PIK3C2G: variants seen among roughly 807,000 people sequenced by gnomAD.
The protein encoded by PIK3C2G is phosphatidylinositol 3-kinase C2 domain-containing subunit gamma.
A neutral mutation model predicts 181.1 loss-of-function variants in PIK3C2G; 168 were observed. That is an observed-to-expected ratio of 0.93 (90% CI 0.82 to 1.05). The LOEUF is 1.05. Among genes scored for constraint, PIK3C2G ranks in the 50% least tolerant of loss-of-function variants. The pLI, the probability that PIK3C2G is intolerant of heterozygous loss-of-function variation, is 0.00. For synonymous variants in PIK3C2G, 573 were observed against 592.2 expected (o/e 0.97, Z 0.47); for missense variants, 1,869 against 1,732.8 (o/e 1.08, Z -1.40).
chr12:18,719,918 AC>A, the PIK3C2G span, among the ~76,000 whole-genome samples: 39 of 152,194 alleles, frequency 2.6e-4, 2 homozygotes, highest in South Asian at 7.9e-3. Context: ...GGACCAATGA[AC>A]TTCGACAAGC....
chr12:18,528,533 C>T (rs999303740), intron 24 of PIK3C2G, among the ~76,000 whole-genome samples: 4 of 152,166 alleles, frequency 2.6e-5, no homozygotes, highest in African/African-American at 9.6e-5. Flanking sequence ...TCAAGTCTTT[C>T]AGTTTGGGAT....
intron 29 of PIK3C2G, among the ~76,000 whole-genome samples, chr12:18,571,214 TC>T (rs577955020): frequency 6.6e-6 from 1 of 151,004 alleles, no homozygotes; most frequent in East Asian, 1.9e-4. Context: ...ATATTTAGCC[TC>T]TTTTTTGTTA....
chr12:18,393,383 C>T lies in PIK3C2G; in HGVS notation c.2126+2131C>T, dbSNP rs1367896451. Among the ~76,000 whole-genome samples, 10 of 152,042 alleles carry T rather than the reference C, an allele frequency of 6.6e-5. No homozygotes were observed. In the East Asian group the frequency reaches 1.9e-3, roughly 29 times the overall value. On this transcript the variant is annotated intron_variant, in intron 15 of 32. Transcript: ENST00000538779. The stretch of plus-strand genomic sequence containing the variant: ...AAACTTGTGTTAGAATCAGATTAAC[C>T]TCAGTTTCCCAGTACCACATTTTAT...
At chr12:18,723,390 C>G in the PIK3C2G span, 2 of 1,612,908 alleles carry the variant, frequency 1.2e-6, no homozygotes, top group African/African-American at 2.7e-5. Flanking sequence ...GTTCTTGTGT[C>G]AGAAATTGAG....
chr12:18,609,761 C>A (rs1948241200), intron 31 of PIK3C2G, 132 bp downstream of exon 31: 2 of 594,072 alleles, frequency 3.4e-6, no homozygotes, highest in South Asian at 4.2e-5. Flanking sequence ...AAACAATGAG[C>A]CAATTACAAT....
the PIK3C2G span, among the ~76,000 whole-genome samples, chr12:18,698,242 C>CTTCTATTCTATTCTA: frequency 0.1 from 15,068 of 145,410 alleles, 978 homozygotes; most frequent in African/African-American, 0.15. Context: ...ATACACTTTT[C>CTTCTATTCTATTCTA]TTCTATTCTA....
At chr12:18,432,960 AT>A (rs1946245165) in intron 18 of PIK3C2G, among the ~76,000 whole-genome samples, 1 of 151,440 alleles carries the variant, frequency 6.6e-6, no homozygotes, top group Admixed American at 6.7e-5. Context: ...TTAGGAACTC[AT>A]TCAAGTACTG....
At chr12:18,561,645 A>G (rs899371083) in intron 26 of PIK3C2G, among the ~76,000 whole-genome samples, 1 of 152,166 alleles carries the variant, frequency 6.6e-6, no homozygotes, top group Non-Finnish European at 1.5e-5. Context: ...GCTGATTTCA[A>G]TATTGCTCTC....
At chr12:18,363,540 G>A (rs553669732) in intron 12 of PIK3C2G, among the ~76,000 whole-genome samples, 1 of 151,914 alleles carries the variant, frequency 6.6e-6, no homozygotes, top group Non-Finnish European at 1.5e-5. Flanking sequence ...CATGGTTACT[G>A]CTGCATTTCC....
chr12:18,600,808 G>A (rs1310360882), intron 30 of PIK3C2G, among the ~76,000 whole-genome samples: 1 of 151,988 alleles, frequency 6.6e-6, no homozygotes, highest in Admixed American at 6.6e-5. Flanking sequence ...GCTTCAAAAT[G>A]CAAGCAAAAC....
At chr12:18,455,022 C>T (rs1700640120) in intron 18 of PIK3C2G, among the ~76,000 whole-genome samples, 1 of 152,162 alleles carries the variant, frequency 6.6e-6, no homozygotes, top group Non-Finnish European at 1.5e-5. Flanking sequence ...TCTCAAGATT[C>T]AACTGGAGAA....
chr12:18,303,388 G>A (rs1389393487), intron 5 of PIK3C2G, among the ~76,000 whole-genome samples: 1 of 150,980 alleles, frequency 6.6e-6, no homozygotes, highest in East Asian at 2.0e-4. Flanking sequence ...AGGCTGAAGT[G>A]CAGTGGCATG....
At chr12:18,459,224 G>A (rs1234522412) in intron 18 of PIK3C2G, among the ~76,000 whole-genome samples, 1 of 152,038 alleles carries the variant, frequency 6.6e-6, no homozygotes, top group South Asian at 2.1e-4. Flanking sequence ...TGTTCCTCAG[G>A]CAACCCCCAA....
intron 24 of PIK3C2G, among the ~76,000 whole-genome samples, chr12:18,526,079 A>G (rs1352961592): frequency 6.6e-6 from 1 of 152,136 alleles, no homozygotes. Context: ...AGTTAATTTA[A>G]TTTCTAATTT....
At chr12:18,682,522 G>A in the PIK3C2G span, among the ~76,000 whole-genome samples, 1 of 152,024 alleles carries the variant, frequency 6.6e-6, no homozygotes, top group Non-Finnish European at 1.5e-5. Context: ...CAGCAAGTGA[G>A]ATAGCACAGG....
downstream of PIK3C2G, among the ~76,000 whole-genome samples, chr12:18,650,702 GTGTATATATCTATATATATATATA>G (rs1950444138): frequency 3.6e-3 from 99 of 27,678 alleles, no homozygotes; most frequent in African/African-American, 6.3e-3. Context: ...GTGTGTGTGT[GTGTATATATCTATATATATATATA>G]TATATATATA....
intron 13 of PIK3C2G, 136 bp downstream of exon 13, chr12:18,371,447 T>G (rs767564921): frequency 4.7e-5 from 33 of 697,468 alleles, no homozygotes; most frequent in Non-Finnish European, 6.3e-5. Context: ...ATATAAATCG[T>G]GACTGCTGAA....
intron 11 of PIK3C2G, among the ~76,000 whole-genome samples, chr12:18,349,861 G>A (rs1308473269): frequency 2.0e-5 from 3 of 152,122 alleles, no homozygotes; most frequent in Admixed American, 2.0e-4. Context: ...CCCAAAACAT[G>A]TCCTGGCATG....
chr12:18,320,421 T>C (rs1951057466), intron 6 of PIK3C2G, among the ~76,000 whole-genome samples: 1 of 152,180 alleles, frequency 6.6e-6, no homozygotes. Flanking sequence ...GAAAACAAAA[T>C]GCCAACTCCT....
Sources: allele counts gnomAD v4.1 joint callset (sites outside exome capture counted in the v4.1 genomes callset), GRCh38; gene constraint gnomAD v4.1.1; transcripts MANE v1.5; gene names NCBI Gene and HGNC (gene_info 2026-07-23, HGNC 2026-07-21).